ABCG2: variants seen among roughly 807,000 people sequenced by gnomAD.
The protein encoded by ABCG2 is broad substrate specificity ATP-binding cassette transporter ABCG2.
A neutral mutation model predicts 73.5 loss-of-function variants in ABCG2; 80 were observed. That is an observed-to-expected ratio of 1.09 (90% confidence interval 0.91 to 1.31). The LOEUF is 1.31. Among genes scored for constraint, ABCG2 ranks in the 50% most tolerant of loss-of-function variants. ABCG2 has a pLI of 0.00. For synonymous variants in ABCG2, 269 were observed against 282.4 expected (o/e 0.95, Z 0.48); for missense variants, 796 against 786.2 (o/e 1.01, Z -0.15).
At chr4:88,127,656 A>G (rs909186753) in intron 5 of ABCG2, among the ~76,000 whole-genome samples, 3 of 152,230 alleles carry the variant, frequency 2.0e-5, no homozygotes, top group Admixed American at 6.5e-5. Flanking sequence ...ATACCTGACA[A>G]AAACAAGCAA....
chr4:88,123,006 T>C (rs938078071), intron 5 of ABCG2, among the ~76,000 whole-genome samples: 1 of 152,164 alleles, frequency 6.6e-6, no homozygotes, highest in Non-Finnish European at 1.5e-5. Flanking sequence ...TGCTGTTCTA[T>C]AGCCTCTGCT....
At chr4:88,100,826 G>A (rs1276301107) in intron 11 of ABCG2, among the ~76,000 whole-genome samples, 1 of 151,842 alleles carries the variant, frequency 6.6e-6, no homozygotes, top group Non-Finnish European at 1.5e-5. Context: ...TCTCTACCAA[G>A]CCCCTCAAAC....
intron 10 of ABCG2, among the ~76,000 whole-genome samples, chr4:88,103,104 A>G (rs1034756262): frequency 2.0e-5 from 3 of 152,206 alleles, no homozygotes; most frequent in Non-Finnish European, 4.4e-5. Flanking sequence ...GTATGTACAT[A>G]TAATTAAAAT....
intron 10 of ABCG2, among the ~76,000 whole-genome samples, chr4:88,106,434 T>G (rs1722774773): frequency 6.6e-6 from 1 of 152,156 alleles, no homozygotes; most frequent in Non-Finnish European, 1.5e-5. Context: ...TTATTCAACC[T>G]TACAACGGAA....
In ABCG2 at chr4:88,117,821, C is replaced by CTGAGCTTTTAAGAA. The variant is rs201761659; in HGVS notation, c.841+274_841+287dup. Among the ~76,000 whole-genome samples the CTGAGCTTTTAAGAA allele has an allele frequency of 7.7e-3, 1,166 of 152,270 alleles. 9 individuals carry two copies. The highest frequency in any genetic ancestry group is 0.027 in the African/African-American group (1,105 of 41,538). On this transcript the variant is annotated intron_variant, in intron 7 of 15. Transcript: ENST00000237612. ...GGCTATAAGGCCAACATATTAATTA[C>CTGAGCTTTTAAGAA]TGAGCTTTTAAGAAATGGTCACTGT...
chr4:88,216,052 C>T (rs933562255), intron 1 of ABCG2, among the ~76,000 whole-genome samples: 3 of 152,148 alleles, frequency 2.0e-5, no homozygotes, highest in Non-Finnish European at 4.4e-5. Context: ...CAAAATGATG[C>T]TGACACTGAC....
chr4:88,092,372 G>C lies in ABCG2; in HGVS notation c.1830C>G (p.Gly610=). 6.2e-7 allele frequency: 1 copy of C among 1,604,452 alleles called. No individual in the cohort carries two copies. Among genetic ancestry groups the C allele is most frequent in the Non-Finnish European group, 8.5e-7 (1 of 1,177,828 alleles). The change falls in exon 16 of 16, where the codon GGC becomes GGG. Residue 610 remains glycine (G), a synonymous_variant. Coordinates refer to ENST00000237612, the MANE Select transcript of ABCG2 (RefSeq NM_004827.3). ...TGCCCTGCTTTACCAAATATTCTTC[G>C]CCAGTACATCTGAAATTAAACAGAA... ...NNPCNYATCT[G]EEYLVKQGID...
At chr4:88,130,878 G>T (rs1235131890) in intron 5 of ABCG2, among the ~76,000 whole-genome samples, 183 bp downstream of exon 5, 2 of 152,162 alleles carry the variant, frequency 1.3e-5, no homozygotes, top group Non-Finnish European at 2.9e-5. Context: ...CCAATGTGAA[G>T]ATTTTTTTTC....
chr4:88,211,217 A>G (rs1476616065), intron 1 of ABCG2, among the ~76,000 whole-genome samples: 2 of 152,066 alleles, frequency 1.3e-5, no homozygotes, highest in African/African-American at 4.8e-5. Flanking sequence ...GTGTATTTTA[A>G]AAATTATTTT....
chr4:88,140,097 T>A, intron 1 of ABCG2, 83 bp from the exon 2 acceptor site: 1 of 1,193,396 alleles, frequency 8.4e-7, no homozygotes, highest in East Asian at 2.5e-5. Flanking sequence ...TTAAAACAAG[T>A]CCATTTTTAA....
intron 1 of ABCG2, among the ~76,000 whole-genome samples, chr4:88,225,170 AG>A (rs1730159005): frequency 6.6e-6 from 1 of 152,128 alleles, no homozygotes; most frequent in Non-Finnish European, 1.5e-5. Flanking sequence ...TTTTTTGTAA[AG>A]GGCCAGATAG....
intron 1 of ABCG2, among the ~76,000 whole-genome samples, chr4:88,208,936 A>T (rs1040546936): frequency 2.0e-5 from 3 of 152,174 alleles, no homozygotes; most frequent in Non-Finnish European, 4.4e-5. Context: ...TGGGAGGCGG[A>T]GGTTACAGTG....
chr4:88,107,207 AT>A lies in ABCG2; in HGVS notation c.1253del (p.Asn418MetfsTer16). ...ACCTGTTCTGGATTCCAGTAGAATC[AT>A]TTTTTAGCCCAAAGTAAATGGCACC... Reference protein sequence around the residue: ...VIGAIYFGLKNDSTGIQNRAG... With the variant: ...VIGAIYFGLKXDSTGIQNRAG... On this transcript the variant is annotated frameshift_variant, in exon 10 of 16. Transcript: ENST00000237612. LOFTEE classifies it high-confidence loss of function. 6.2e-7 allele frequency: 1 copy of A among 1,613,450 alleles called. No homozygotes were observed.
chr4:88,181,305 C>T (rs149438183), intron 1 of ABCG2, among the ~76,000 whole-genome samples: 2,106 of 147,454 alleles, frequency 0.014, 20 homozygotes, highest in Non-Finnish European at 0.021. Context: ...GAGGCTGAGG[C>T]AGGAGAATTG....
chr4:88,214,252 C>T (rs1729718060), intron 1 of ABCG2, among the ~76,000 whole-genome samples: 1 of 152,024 alleles, frequency 6.6e-6, no homozygotes, highest in African/African-American at 2.4e-5. Context: ...TCCCAAAGTG[C>T]TGGGATTACC....
At chr4:88,192,013 A>G (rs1056180752) in intron 1 of ABCG2, among the ~76,000 whole-genome samples, 5 of 152,050 alleles carry the variant, frequency 3.3e-5, no homozygotes, top group Admixed American at 2.6e-4. Flanking sequence ...TCTATTAAAA[A>G]TACAAAAAAT....
chr4:88,132,694 T>A (rs1252090959), intron 2 of ABCG2, 59 bp from the exon 3 acceptor site: 6 of 1,567,130 alleles, frequency 3.8e-6, no homozygotes. Flanking sequence ...TCTATTAATT[T>A]AGGGTAGGCA....
chr4:88,102,550 C>T (rs1439963920), intron 10 of ABCG2, among the ~76,000 whole-genome samples: 2 of 150,518 alleles, frequency 1.3e-5, no homozygotes, highest in Non-Finnish European at 3.0e-5. Context: ...GAGCTGAGAT[C>T]GCGCCACTGC....
At chr4:88,160,556 C>T (rs1367838199), upstream of ABCG2, among the ~76,000 whole-genome samples, 2 of 151,792 alleles carry the variant, frequency 1.3e-5, no homozygotes, top group African/African-American at 4.8e-5. Flanking sequence ...AAATCAAAAC[C>T]CTATACATAG....
Sources: allele counts gnomAD v4.1 joint callset (sites outside exome capture counted in the v4.1 genomes callset), GRCh38; gene constraint gnomAD v4.1.1; transcripts MANE v1.5; gene names NCBI Gene and HGNC (gene_info 2026-07-23, HGNC 2026-07-21).